Variants in DUSP14 observed in about 807,000 individuals in gnomAD.
DUSP14 encodes dual specificity protein phosphatase 14.
DUSP14 carries 5 observed loss-of-function variants against 13.2 expected under a neutral mutation model. That is an observed-to-expected ratio of 0.38 (90% CI 0.20 to 0.80). DUSP14 has a LOEUF of 0.80. Ranked by LOEUF, DUSP14 falls within the 30% of genes least tolerant of loss-of-function variation. DUSP14 has a pLI of 0.44. For synonymous variants in DUSP14, 91 were observed against 103.4 expected (o/e 0.88, Z 0.73); for missense variants, 185 against 264.0 (o/e 0.70, Z 2.07).
chr17:37,513,156 T>C lies in DUSP14; in HGVS notation c.*287T>C. ...GAACAGTTTAATAAACTGGTTCTGC[T>C]CTCTTCTGAATCTCATGCCTTTGGC... On this transcript the variant is annotated 3_prime_UTR_variant, in exon 3 of 3. Transcript: ENST00000617516. 2.4e-6 allele frequency: 1 copy of C among 422,634 alleles called. No individual in the cohort carries two copies. The highest frequency in any genetic ancestry group is 4.1e-5 in the East Asian group (1 of 24,546). The allele number at this position is 422,634 out of a possible 1,614,324, so 26.2% of individuals were successfully genotyped here.
At chr17:37,499,591 C>T (rs1161484985) in intron 1 of DUSP14, among the ~76,000 whole-genome samples, 7 of 152,028 alleles carry the variant, frequency 4.6e-5, no homozygotes, top group Non-Finnish European at 7.4e-5. Context: ...TGAACTGGCG[C>T]GATCTCGGCT....
Position 37,506,109 on chromosome 17 carries a change from C to G in DUSP14, c.-180-4568C>G, listed in dbSNP as rs560950653. On this transcript the variant is annotated intron_variant, in intron 1 of 2. Coordinates refer to ENST00000617516, the MANE Select transcript of DUSP14 (RefSeq NM_007026.4). ...AAAACTCTGTTTCTACTAAAAAATACAAAAAATTAGCTGGGCATGGTGGCA... is the reference window on the plus strand; with the variant it reads ...AAAACTCTGTTTCTACTAAAAAATAGAAAAAATTAGCTGGGCATGGTGGCA... 7.2e-5 allele frequency among the ~76,000 whole-genome samples: 11 copies of G among 151,990 alleles called. No individual in the cohort carries two copies. The East Asian group carries it at 2.1e-3, about 29-fold the overall frequency.
At position 37,513,410 on chromosome 17, in the gene DUSP14, T is replaced by C. The variant is rs1419845231; in HGVS notation, c.*541T>C. Reference sequence around the variant, plus strand: ...TTATTATTTAGCTGTTAAGTAACTATAATGAAATCTGCTGCAAAATCTCTC... The same window carrying C: ...TTATTATTTAGCTGTTAAGTAACTACAATGAAATCTGCTGCAAAATCTCTC... On this transcript the variant is annotated 3_prime_UTR_variant, in exon 3 of 3. Transcript: ENST00000617516. 1 of 167,658 alleles carries C rather than the reference T, an allele frequency of 6.0e-6. No homozygotes were observed. Among genetic ancestry groups the C allele is most frequent in the African/African-American group, 2.4e-5 (1 of 41,468 alleles). 10.4% of individuals were successfully genotyped at this position (167,658 alleles called of 1,614,324 possible). A position where few individuals can be genotyped will look rare whatever the true frequency, so the allele number is the denominator to read the frequency against.
At chr17:37,490,786 A>G (rs1013170200) in intron 1 of DUSP14, among the ~76,000 whole-genome samples, 10 of 152,034 alleles carry the variant, frequency 6.6e-5, no homozygotes, top group Non-Finnish European at 1.5e-5. Context: ...GCTGTTCATT[A>G]TCGTTTTATA....
rs545586753 is a variant in DUSP14 at position 37,497,146 on chromosome 17, A to G, written c.-181+7188A>G. Among the ~76,000 whole-genome samples the G allele has an allele frequency of 8.6e-5, 13 of 151,364 alleles. No individual in the cohort carries two copies. The South Asian group carries it at 1.3e-3, about 15-fold the overall frequency. On this transcript the variant is annotated intron_variant, in intron 1 of 2. Coordinates refer to ENST00000617516, the MANE Select transcript of DUSP14 (RefSeq NM_007026.4). The stretch of plus-strand genomic sequence containing the variant: ...TCTATTTAAATATCAATTTTACTTC[A>G]AACTGCATTTTTTTTTTTTAAAGAC...
intron 1 of DUSP14, among the ~76,000 whole-genome samples, chr17:37,502,206 G>A (rs1163862714): frequency 1.3e-5 from 2 of 151,438 alleles, no homozygotes; most frequent in Admixed American, 6.6e-5. Flanking sequence ...TTTTAAGACA[G>A]AGACTTGCTC....
chr17:37,498,552 T>A (rs1256031170), intron 1 of DUSP14, among the ~76,000 whole-genome samples: 3 of 151,904 alleles, frequency 2.0e-5, no homozygotes, highest in African/African-American at 7.3e-5. Context: ...GGTCTCGATC[T>A]CCTGACCTCG....
rs752947411 is a variant in DUSP14 at position 37,512,267 on chromosome 17, G to A, written c.-6G>A. The A allele has an allele frequency of 1.4e-5, 22 of 1,587,308 alleles. No homozygotes were observed. Among genetic ancestry groups the A allele is most frequent in the African/African-American group, 6.8e-5 (5 of 74,074 alleles). On this transcript the variant is annotated 5_prime_UTR_variant, in exon 3 of 3. Transcript: ENST00000617516. This position sits in a 1 kb window ranked among gnomAD's most constrained non-coding sequence, Gnocchi z 4.8. Reference sequence around the variant, plus strand: ...CAACGATGCAAGTGTGACTGCTGGCGTCTTCATGAGCTCCAGAGGTCACAG... The same window carrying A: ...CAACGATGCAAGTGTGACTGCTGGCATCTTCATGAGCTCCAGAGGTCACAG...
intron 1 of DUSP14, among the ~76,000 whole-genome samples, chr17:37,505,552 G>A (rs2054132266): frequency 6.6e-6 from 1 of 151,762 alleles, no homozygotes; most frequent in Non-Finnish European, 1.5e-5. Context: ...GCACTGTTGT[G>A]GCCATTTTCT....
chr17:37,508,269 A>G (rs2054150742), intron 1 of DUSP14, among the ~76,000 whole-genome samples: 1 of 151,276 alleles, frequency 6.6e-6, no homozygotes, highest in South Asian at 2.1e-4. Context: ...AGCAGTTCTC[A>G]GACGTGCCCC....
At chr17:37,497,257 C>G (rs556731882) in intron 1 of DUSP14, among the ~76,000 whole-genome samples, 2 of 152,176 alleles carry the variant, frequency 1.3e-5, no homozygotes, top group Non-Finnish European at 2.9e-5. Flanking sequence ...ATTCTCTTAC[C>G]TCAGCCTCCT....
chr17:37,498,174 GTCACATGATGTT>G (rs2054078404), intron 1 of DUSP14, among the ~76,000 whole-genome samples: 2 of 150,002 alleles, frequency 1.3e-5, no homozygotes, highest in African/African-American at 4.9e-5. Flanking sequence ...TTTCCTTTTT[GTCACATGATGTT>G]TCTTGTTAAC....
intron 1 of DUSP14, among the ~76,000 whole-genome samples, chr17:37,492,742 A>G (rs2054037170): frequency 6.6e-6 from 1 of 152,146 alleles, no homozygotes; most frequent in African/African-American, 2.4e-5. Context: ...GGATAATTTG[A>G]TGGATTATTT....
intron 1 of DUSP14, among the ~76,000 whole-genome samples, chr17:37,500,295 ACT>A (rs745344579): frequency 4.1e-4 from 62 of 151,998 alleles, no homozygotes; most frequent in Admixed American, 9.8e-4. Context: ...GAAGGTTGAA[ACT>A]CTCCGCTGGA....
intron 1 of DUSP14, among the ~76,000 whole-genome samples, chr17:37,505,632 CATCTT>C (rs1390635170): frequency 3.0e-5 from 4 of 132,602 alleles, no homozygotes; most frequent in Non-Finnish European, 4.7e-5. Flanking sequence ...TGGTGGTTGT[CATCTT>C]TTTTTTTTTT....
chr17:37,507,385 G>C (rs976549236), intron 1 of DUSP14, among the ~76,000 whole-genome samples: 3 of 152,190 alleles, frequency 2.0e-5, no homozygotes, highest in Admixed American at 6.5e-5. Context: ...CAGCAAATGC[G>C]AGTTAACGGA....
At chr17:37,505,755 G>A (rs1344692981) in intron 1 of DUSP14, among the ~76,000 whole-genome samples, 1 of 151,612 alleles carries the variant, frequency 6.6e-6, no homozygotes, top group Non-Finnish European at 1.5e-5. Flanking sequence ...ACTGCTCCAG[G>A]TATGGATGCC....
At chr17:37,495,628 T>C (rs946111486) in intron 1 of DUSP14, among the ~76,000 whole-genome samples, 2 of 152,000 alleles carry the variant, frequency 1.3e-5, no homozygotes, top group Non-Finnish European at 2.9e-5. Flanking sequence ...AAGTGACCAG[T>C]AGGTGAACTT....
Position 37,506,991 on chromosome 17 carries a change from G to A in DUSP14, c.-180-3686G>A, listed in dbSNP as rs144047750. Among the ~76,000 whole-genome samples the A allele has an allele frequency of 5.6e-3, 852 of 152,330 alleles. 10 individuals are homozygous for A. Among genetic ancestry groups the A allele is most frequent in the African/African-American group, 0.02 (825 of 41,564 alleles). ...TGGTGTGGAGCGCCGCGAGGCAGGT[G>A]ATGAGAACACAGCCACGATTTAGTC... On this transcript the variant is annotated intron_variant, in intron 1 of 2. Transcript: ENST00000617516.
Sources: gnomAD v4.1 joint callset for allele counts (sites outside exome capture counted in the v4.1 genomes callset) on GRCh38, gnomAD v4.1.1 for gene constraint, Gnocchi (gnomAD v3.1) non-coding constraint, MANE v1.5 for transcripts, NCBI Gene and HGNC (gene_info 2026-07-23, HGNC 2026-07-21) for gene names.